The following RBM41 variants were observed in gnomAD, a reference collection of about 807,000 sequenced individuals.
RBM41 encodes RNA binding motif protein 41, also known as RNA-binding protein 41.
A neutral mutation model predicts 30.8 loss-of-function variants in RBM41; 14 were observed. The ratio of observed to expected loss-of-function variants is 0.45; its 90% CI spans 0.30 to 0.71. RBM41 has a LOEUF of 0.71. Ranked by LOEUF, RBM41 falls within the 30% of genes least tolerant of loss-of-function variation. RBM41 has a pLI of 0.08. For synonymous variants in RBM41, 120 were observed against 110.1 expected (o/e 1.09, Z -0.56); for missense variants, 276 against 326.3 (o/e 0.85, Z 1.19).
chrX:107,070,901 T>G (rs1400885454), intron 6 of RBM41, among the ~76,000 whole-genome samples: 1 of 108,772 alleles, frequency 9.2e-6, no homozygotes, highest in Non-Finnish European at 1.9e-5. Context: ...GCAAACAGCA[T>G]GCACCACCAC....
At chrX:107,116,946 G>C (rs1358451385) in intron 1 of RBM41, among the ~76,000 whole-genome samples, 180 bp from the exon 2 acceptor site, 1 of 112,378 alleles carries the variant, frequency 8.9e-6, no homozygotes, top group African/African-American at 3.2e-5. Context: ...TACACAGAAG[G>C]CACTATGCTA....
intron 5 of RBM41, among the ~76,000 whole-genome samples, chrX:107,110,064 G>A (rs1924337952): frequency 9.1e-6 from 1 of 109,402 alleles, no homozygotes; most frequent in South Asian, 3.8e-4. Context: ...ATTGATTTCT[G>A]ACAAAAATGC....
In RBM41 at chrX:107,088,617, G is replaced by C. The variant is rs1283705298; in HGVS notation, c.818C>G (p.Pro273Arg). Residue 273 changes from proline (P) to arginine (R), a missense_variant, in exon 6 of 8, where the codon CCC (proline) becomes CGC (arginine). Physicochemically the swap from Pro to Arg is moderately radical, Grantham distance 103. Transcript: ENST00000685964. ...AATAACATTTGCCACATGGAGACTGGGGCCTTTACCCTGTGCTGCCTGTTT... is the reference window on the plus strand; with the variant it reads ...AATAACATTTGCCACATGGAGACTGCGGCCTTTACCCTGTGCTGCCTGTTT... The part of the protein sequence containing the change: ...KGKQAAQGKG[P>R]SLHVANVIDF... 8.3e-7 allele frequency: 1 copy of C among 1,211,269 alleles called. No homozygotes were observed. Among genetic ancestry groups the C allele is most frequent in the Non-Finnish European group, 1.1e-6 (1 of 895,338 alleles).
At chrX:107,084,179 C>T (rs1921816239) in intron 6 of RBM41, among the ~76,000 whole-genome samples, 1 of 105,405 alleles carries the variant, frequency 9.5e-6, no homozygotes, top group African/African-American at 3.5e-5. Flanking sequence ...AACAAAAAAA[C>T]CTCCTTAAAT....
At chrX:107,070,203 G>T (rs1212957914) in intron 6 of RBM41, 2 of 330,259 alleles carry the variant, frequency 6.1e-6, no homozygotes, top group Non-Finnish European at 1.2e-5. Context: ...TGGGGTAAAA[G>T]ATAACTTGCC....
chrX:107,084,134 CAAAAA>C (rs60197903), intron 6 of RBM41, among the ~76,000 whole-genome samples: 1 of 66,313 alleles, frequency 1.5e-5, no homozygotes, highest in Non-Finnish European at 3.2e-5. Context: ...TTTGGATTTA[CAAAAA>C]AAAAAAAAAA....
intron 6 of RBM41, among the ~76,000 whole-genome samples, chrX:107,082,962 GATTTC>G (rs1418499601): frequency 2.7e-5 from 3 of 111,037 alleles, no homozygotes; most frequent in Admixed American, 9.6e-5. Context: ...GAAAATAAAA[GATTTC>G]ATTTTACCTT....
chrX:107,066,975 G>A lies in RBM41; in HGVS notation c.*552C>T. 1.3e-6 allele frequency: 1 copy of A among 747,504 alleles called. No homozygotes were observed. The allele number at this position is 747,504 out of a possible 1,213,427, so 61.6% of individuals were successfully genotyped here. Reference sequence around the variant, plus strand: ...AGCTTTTTGAAGACTGATAACTTGTGGAGGAAGCATTCATTAAATAAGTCA... The same window carrying A: ...AGCTTTTTGAAGACTGATAACTTGTAGAGGAAGCATTCATTAAATAAGTCA... On this transcript the variant is annotated 3_prime_UTR_variant, in exon 8 of 8. Transcript: ENST00000685964.
At chrX:107,103,252 G>C (rs1426393584) in intron 5 of RBM41, among the ~76,000 whole-genome samples, 1 of 111,059 alleles carries the variant, frequency 9.0e-6, no homozygotes, top group Non-Finnish European at 1.9e-5. Flanking sequence ...TTGGAAATAG[G>C]GTCTTTGCAG....
rs1447769478 is a variant in RBM41 at position 107,063,601 on chromosome X, T to A, written c.*3926A>T. Among the ~76,000 whole-genome samples, 3 of 112,200 alleles carry A rather than the reference T, an allele frequency of 2.7e-5. No individual in the cohort carries two copies. The highest frequency in any genetic ancestry group is 3.8e-5 in the Non-Finnish European group (2 of 53,224). On this transcript the variant is annotated 3_prime_UTR_variant, in exon 8 of 8. Coordinates refer to ENST00000685964, the MANE Select transcript of RBM41 (RefSeq NM_001324242.2). The stretch of plus-strand genomic sequence containing the variant: ...GGTAGTTTGTGTCTTCCTAGGAATT[T>A]GTCCACTTCATTGATAATTTATTGA...
chrX:107,053,274 C>T, the RBM41 span, among the ~76,000 whole-genome samples: 2 of 113,508 alleles, frequency 1.8e-5, no homozygotes, highest in African/African-American at 6.4e-5. Flanking sequence ...AGAGGAAGCA[C>T]ATAGATTCTG....
At chrX:107,053,013 G>C in the RBM41 span, among the ~76,000 whole-genome samples, 2 of 112,063 alleles carry the variant, frequency 1.8e-5, no homozygotes, top group Non-Finnish European at 3.8e-5. Context: ...CTGCTGCTAG[G>C]GAGTTAAGTT....
At position 107,088,619 on chromosome X, in the gene RBM41, G is replaced by A. The variant is rs143265290; in HGVS notation, c.816C>T (p.Gly272=). ...DKGKQAAQGK[G]PSLHVANVID... The stretch of plus-strand genomic sequence containing the variant: ...TAACATTTGCCACATGGAGACTGGG[G>A]CCTTTACCCTGTGCTGCCTGTTTTC... The change falls in exon 6 of 8, where the codon GGC becomes GGT. Residue 272 remains glycine, a synonymous_variant. Transcript: ENST00000685964. 5.3e-4 allele frequency: 637 copies of A among 1,209,473 alleles called. 5 individuals are homozygous for A. In the African/African-American group the frequency reaches 9.6e-3, roughly 18 times the overall value.
intron 6 of RBM41, chrX:107,070,066 C>T (rs1007898068): frequency 9.9e-5 from 26 of 263,826 alleles, no homozygotes; most frequent in Non-Finnish European, 1.4e-4. Context: ...TTAAATAGTT[C>T]AGGAACTGAT....
chrX:107,109,776 T>C (rs1356332490), intron 5 of RBM41, among the ~76,000 whole-genome samples: 1 of 111,437 alleles, frequency 9.0e-6, no homozygotes, highest in Non-Finnish European at 1.9e-5. Context: ...TTTATTTTAC[T>C]CCATAAGTTT....
chrX:107,113,450 C>A lies in RBM41; in HGVS notation c.542G>T (p.Ser181Ile). 1 of 982,695 alleles carries A rather than the reference C, an allele frequency of 1.0e-6. No individual in the cohort carries two copies. The highest frequency in any genetic ancestry group is 2.0e-5 in the South Asian group (1 of 50,481). The allele number at this position is 982,695 out of a possible 1,213,427, so 81.0% of individuals were successfully genotyped here. A position where few individuals can be genotyped will look rare whatever the true frequency, so the allele number is the denominator to read the frequency against. Residue 181 changes from serine (S) to isoleucine (I), a missense_variant, in exon 5 of 8, where the codon AGT (serine) becomes ATT (isoleucine). Physicochemically the swap from Ser to Ile is moderately radical, Grantham distance 142. Transcript: ENST00000685964. ...LYYQAYHKKTSADKYMTSMKR... is the reference protein window; with the variant it reads ...LYYQAYHKKTIADKYMTSMKR... Reference sequence around the variant, plus strand: ...CATTGAGGTCATGTACTTGTCTGCACTTGTCTTTTTGTGGTATGCTGTGAA... The same window carrying A: ...CATTGAGGTCATGTACTTGTCTGCAATTGTCTTTTTGTGGTATGCTGTGAA...
At position 107,115,382 on chromosome X, in the gene RBM41, G is replaced by A. The variant is rs1456361003; in HGVS notation, c.493C>T (p.His165Tyr). 8.3e-7 allele frequency: 1 copy of A among 1,211,964 alleles called. No individual in the cohort carries two copies. The highest frequency in any genetic ancestry group is 2.2e-5 in the Admixed American group (1 of 46,100). The change falls in exon 4 of 8, where the codon CAC (histidine) becomes TAC (tyrosine). Residue 165 changes from histidine (H) to tyrosine (Y), a missense_variant. Transcript: ENST00000685964. Reference protein sequence around the residue: ...EKSLFQGADRHSFLKALYYQA... With the variant: ...EKSLFQGADRYSFLKALYYQA... Reference sequence around the variant, plus strand: ...TAATAAAGAGCCTTAAGGAAGGAGTGACGATCAGCTCCCTGAAATAAAGAC... The same window carrying A: ...TAATAAAGAGCCTTAAGGAAGGAGTAACGATCAGCTCCCTGAAATAAAGAC...
In RBM41 at chrX:107,067,629, C is replaced by T; in HGVS notation, c.1212G>A (p.Leu404=). The T allele has an allele frequency of 4.1e-6, 5 of 1,210,092 alleles. No homozygotes were observed. The highest frequency in any genetic ancestry group is 5.6e-6 in the Non-Finnish European group (5 of 894,508). The change falls in exon 8 of 8, where the codon TTG becomes TTA. Residue 404 remains leucine (L), a synonymous_variant. Coordinates refer to ENST00000685964, the MANE Select transcript of RBM41 (RefSeq NM_001324242.2). ...VNGYKLHGKI[L]VIEFGKNKKQ... ...TTTTGTTCTTTCCAAACTCTATCAC[C>T]AATATTTTCCCATGTAGTTTGTATC...
chrX:107,073,568 G>A (rs964806687), intron 6 of RBM41, among the ~76,000 whole-genome samples: 12 of 111,453 alleles, frequency 1.1e-4, no homozygotes, highest in African/African-American at 2.9e-4. Flanking sequence ...GCCACTATGG[G>A]AAACAGTACG....
Sources: gnomAD v4.1 joint callset for allele counts (sites outside exome capture counted in the v4.1 genomes callset) on GRCh38, gnomAD v4.1.1 for gene constraint, MANE v1.5 for transcripts, NCBI Gene and HGNC (gene_info 2026-07-23, HGNC 2026-07-21) for gene names.